Variants in CA10 observed in about 807,000 individuals in gnomAD.
CA10 encodes the protein carbonic anhydrase 10 (inactive), also known as carbonic anhydrase-related protein 10.
In CA10, 14 loss-of-function variants were observed where a neutral mutation model predicts 44.2. The ratio of observed to expected loss-of-function variants is 0.32; its 90% CI spans 0.21 to 0.50. The LOEUF is 0.50. Ranked by LOEUF, CA10 falls within the 20% of genes least tolerant of loss-of-function variation. The probability of loss-of-function intolerance (pLI) is 0.99; values close to 1 mark genes in which losing one functional copy is unlikely to be tolerated. For missense variants in CA10, 350 were observed against 409.7 expected (o/e 0.85, Z 1.26); for synonymous variants, 159 against 141.6 (o/e 1.12, Z -0.87).
intron 1 of CA10, among the ~76,000 whole-genome samples, chr17:52,156,407 C>A (rs762597409): frequency 6.6e-6 from 1 of 152,200 alleles, no homozygotes; most frequent in Non-Finnish European, 1.5e-5. Flanking sequence ...CACAACACAT[C>A]TCACTGATGT....
chr17:51,989,038 G>C (rs1404884408), intron 2 of CA10, among the ~76,000 whole-genome samples: 1 of 151,704 alleles, frequency 6.6e-6, no homozygotes, highest in Non-Finnish European at 1.5e-5. Context: ...GTGTGTTCTA[G>C]ATCCTTGTTC....
chr17:51,778,801 G>T (rs1302073704), intron 3 of CA10, among the ~76,000 whole-genome samples: 1 of 152,176 alleles, frequency 6.6e-6, no homozygotes, highest in Non-Finnish European at 1.5e-5. Flanking sequence ...TCCCAGAAAT[G>T]GGGCCTCTAG....
chr17:51,849,146 TATATATATACATATATGTA>T (rs1978631856), intron 3 of CA10, among the ~76,000 whole-genome samples: 2 of 139,440 alleles, frequency 1.4e-5, no homozygotes, highest in African/African-American at 5.3e-5. Flanking sequence ...CTTAGTTTTT[TATATATATACATATATGTA>T]TATATATATA....
intron 1 of CA10, among the ~76,000 whole-genome samples, chr17:52,097,093 T>C (rs1598212776): frequency 1.9e-5 from 2 of 106,880 alleles, no homozygotes; most frequent in African/African-American, 7.2e-5. Flanking sequence ...TCATTGTTTA[T>C]GAACTAGGAT....
intron 1 of CA10, among the ~76,000 whole-genome samples, chr17:52,110,455 T>A (rs999676331): frequency 6.6e-6 from 1 of 152,268 alleles, no homozygotes; most frequent in Admixed American, 6.5e-5. Flanking sequence ...ATGACATTTA[T>A]GCAAATGGCT....
intron 2 of CA10, among the ~76,000 whole-genome samples, chr17:51,970,869 A>G (rs1984256524): frequency 3.3e-5 from 5 of 152,062 alleles, no homozygotes; most frequent in Admixed American, 3.3e-4. Flanking sequence ...AATCGGCAAT[A>G]ATAAGTGGTT....
chr17:51,825,386 C>T (rs1371871355), intron 3 of CA10, among the ~76,000 whole-genome samples: 2 of 152,052 alleles, frequency 1.3e-5, no homozygotes, highest in Non-Finnish European at 2.9e-5. Context: ...ACCAGGCCCT[C>T]TTCTCAGCAC....
chr17:51,702,564 G>C (rs1915637334), intron 4 of CA10, among the ~76,000 whole-genome samples: 1 of 152,190 alleles, frequency 6.6e-6, no homozygotes, highest in Non-Finnish European at 1.5e-5. Context: ...GTGTGATGGT[G>C]GCTTCCACCT....
chr17:52,046,595 C>T (rs1374316987), intron 2 of CA10, among the ~76,000 whole-genome samples: 6 of 151,628 alleles, frequency 4.0e-5, no homozygotes, highest in Admixed American at 3.9e-4. Context: ...TTGTGTAGGC[C>T]TAGATGGTTT....
chr17:51,701,291 T>G lies in CA10; in HGVS notation c.465+46342A>C, dbSNP rs554569705. Among the ~76,000 whole-genome samples, 3 of 152,078 alleles carry G rather than the reference T, an allele frequency of 2.0e-5. No homozygotes were observed. The East Asian group carries it at 5.8e-4, about 30-fold the overall frequency. The stretch of plus-strand genomic sequence containing the variant: ...GTTGTCTTCTGTCTGTGTCCCAATT[T>G]CCCTCTTCTCATAAGGACACCAGTT... On this transcript the variant is annotated intron_variant, in intron 4 of 8. Coordinates refer to ENST00000451037, the MANE Select transcript of CA10 (RefSeq NM_020178.5).
At chr17:51,741,159 A>G (rs1242602268) in intron 4 of CA10, among the ~76,000 whole-genome samples, 1 of 152,202 alleles carries the variant, frequency 6.6e-6, no homozygotes, top group Non-Finnish European at 1.5e-5. Context: ...TGGCAGTGAG[A>G]TTCTGCAGCC....
At chr17:52,005,082 A>C (rs1018320870) in intron 2 of CA10, among the ~76,000 whole-genome samples, 3 of 151,912 alleles carry the variant, frequency 2.0e-5, no homozygotes, top group African/African-American at 7.2e-5. Context: ...GTATATAACC[A>C]AGATCCTGGA....
intron 4 of CA10, among the ~76,000 whole-genome samples, chr17:51,701,422 G>T (rs1042438386): frequency 1.3e-5 from 2 of 152,108 alleles, no homozygotes; most frequent in Non-Finnish European, 2.9e-5. Context: ...AGGTTCTGGG[G>T]GTTAGGACTG....
At chr17:51,750,482 G>A (rs543270615) in intron 3 of CA10, among the ~76,000 whole-genome samples, 2 of 145,776 alleles carry the variant, frequency 1.4e-5, no homozygotes, top group Non-Finnish European at 3.1e-5. Flanking sequence ...GCTGATTGTT[G>A]AATCTTTACA....
chr17:51,890,572 A>C (rs570853307), intron 3 of CA10, among the ~76,000 whole-genome samples: 8 of 152,316 alleles, frequency 5.3e-5, no homozygotes, highest in African/African-American at 1.9e-4. Context: ...TGTAGCTTTT[A>C]GTTACCACAC....
chr17:51,802,698 G>A (rs1466146236), intron 3 of CA10, among the ~76,000 whole-genome samples: 1 of 152,120 alleles, frequency 6.6e-6, no homozygotes, highest in East Asian at 1.9e-4. Flanking sequence ...GATGGCTAGG[G>A]ATGTCCCCAG....
chr17:51,810,569 C>T (rs1907320962), intron 3 of CA10, among the ~76,000 whole-genome samples: 1 of 152,188 alleles, frequency 6.6e-6, no homozygotes, highest in Non-Finnish European at 1.5e-5. Context: ...TGGGAAGTGT[C>T]AGGCAGGACT....
At chr17:51,772,912 T>G (rs943046474) in intron 3 of CA10, among the ~76,000 whole-genome samples, 2 of 152,210 alleles carry the variant, frequency 1.3e-5, no homozygotes, top group African/African-American at 4.8e-5. Flanking sequence ...GACAGCCTTT[T>G]GATGTCTCCC....
intron 4 of CA10, among the ~76,000 whole-genome samples, chr17:51,712,325 T>C (rs1250484228): frequency 6.6e-6 from 1 of 152,226 alleles, no homozygotes; most frequent in Non-Finnish European, 1.5e-5. Context: ...TCATTAGTAA[T>C]GATGCCTTGT....
Sources: gnomAD v4.1 joint callset for allele counts (sites outside exome capture counted in the v4.1 genomes callset) on GRCh38, gnomAD v4.1.1 for gene constraint, MANE v1.5 for transcripts, NCBI Gene and HGNC (gene_info 2026-07-23, HGNC 2026-07-21) for gene names.